The following CDKL5 variants were observed in gnomAD, a reference collection of about 807,000 sequenced individuals.
The protein encoded by CDKL5 is cyclin dependent kinase like 5.
Under a neutral mutation model 61.7 loss-of-function variants are expected in CDKL5, and 8 were observed. The ratio of observed to expected loss-of-function variants is 0.13; its 90% CI spans 0.08 to 0.23. The LOEUF (loss-of-function observed/expected upper bound fraction) is 0.23. CDKL5 is among the 10% of genes least tolerant of loss of function. The probability of loss-of-function intolerance (pLI) is 1.00; values close to 1 mark genes in which losing one functional copy is unlikely to be tolerated. For missense variants in CDKL5, 440 were observed against 734.5 expected (o/e 0.60, Z 4.63); for synonymous variants, 275 against 272.3 (o/e 1.01, Z -0.10).
intron 14 of CDKL5, 73 bp downstream of exon 14, chrX:18,609,643 C>G: frequency 8.4e-7 from 1 of 1,184,836 alleles, no homozygotes; most frequent in East Asian, 3.0e-5. Context: ...CTGCTTTCAC[C>G]GACTCAGGCC....
At chrX:18,615,831 C>T (rs148863490) in intron 15 of CDKL5, among the ~76,000 whole-genome samples, 26 of 112,087 alleles carry the variant, frequency 2.3e-4, no homozygotes, top group African/African-American at 7.8e-4. Flanking sequence ...CCCTTTCTTG[C>T]AATGGAAAAG....
At position 18,568,648 on chromosome X, in the gene CDKL5, C is replaced by CTCT. The variant is rs745575668; in HGVS notation, c.145+4143_145+4145dup. 6.8e-4 allele frequency among the ~76,000 whole-genome samples: 75 copies of CTCT among 110,890 alleles called. 1 individual carries two copies. The highest frequency in any genetic ancestry group is 2.1e-3 in the African/African-American group (65 of 30,478). On this transcript the variant is annotated intron_variant, in intron 4 of 17. Transcript: ENST00000623535. ...ATATACAAAAAGCTTTGTCAGTTTT[C>CTCT]TCTTCTTCTTCTTCTTCTTTTTTTA...
Position 18,453,511 on chromosome X carries a change from G to A in CDKL5, c.-163+27816G>A, listed in dbSNP as rs752736250. 2.7e-5 allele frequency among the ~76,000 whole-genome samples: 3 copies of A among 111,702 alleles called. No individual in the cohort carries two copies. In the East Asian group the frequency reaches 8.5e-4, roughly 31 times the overall value. On this transcript the variant is annotated intron_variant, in intron 1 of 17. Transcript: ENST00000623535. ...GGATTGTAAGGTACTTTAAAGAAAA[G>A]ACCATGATGTGTATGTACTTCCTGG...
At chrX:18,641,916 C>T, downstream of CDKL5, 3 of 1,032,733 alleles carry the variant, frequency 2.9e-6, no homozygotes, top group Non-Finnish European at 4.1e-6. Context: ...GAAATATAGC[C>T]CTGTCCATCT....
At chrX:18,651,396 A>G (rs775092413) in intron 21 of CDKL5, among the ~76,000 whole-genome samples, 12 of 110,830 alleles carry the variant, frequency 1.1e-4, no homozygotes, top group Non-Finnish European at 2.3e-4. Context: ...GAATTAGCGC[A>G]TTGCCCAAGA....
intron 1 of CDKL5, among the ~76,000 whole-genome samples, chrX:18,441,414 CAAAAA>C (rs757888759): frequency 9.6e-6 from 1 of 104,392 alleles, no homozygotes; most frequent in African/African-American, 3.5e-5. Context: ...GACCCTGTCT[CAAAAA>C]AAAAAATCAT....
At chrX:18,621,869 G>A (rs986814559) in intron 16 of CDKL5, among the ~76,000 whole-genome samples, 40 of 111,964 alleles carry the variant, frequency 3.6e-4, no homozygotes, top group African/African-American at 1.3e-3. Flanking sequence ...TGTTTAAAGT[G>A]TTAATAAAAC....
In CDKL5 at chrX:18,637,704, C is replaced by T. The variant is rs1927434199; in HGVS notation, c.*8947C>T. ...TTCCTTATCTTTAAATGGAGGTAAT[C>T]ACAGTACCTACCTCAGTGTTGTTGT... On this transcript the variant is annotated 3_prime_UTR_variant, in exon 18 of 18. Coordinates refer to ENST00000623535, the MANE Select transcript of CDKL5 (RefSeq NM_001323289.2). 2 of 111,759 alleles carry T rather than the reference C, an allele frequency of 1.8e-5. No individual in the cohort carries two copies. The highest frequency in any genetic ancestry group is 5.6e-4 in the East Asian group (2 of 3,577). The allele number at this position is 111,759 out of a possible 1,213,427, so 9.2% of individuals were successfully genotyped here.
chrX:18,561,018 T>C (rs1924787928), intron 3 of CDKL5, among the ~76,000 whole-genome samples: 1 of 110,901 alleles, frequency 9.0e-6, no homozygotes, highest in African/African-American at 3.3e-5. Context: ...TGTTAGAAAA[T>C]GGCAGCCCTT....
intron 15 of CDKL5, among the ~76,000 whole-genome samples, chrX:18,615,400 A>G (rs1160757682): frequency 3.6e-5 from 4 of 111,871 alleles, no homozygotes; most frequent in Non-Finnish European, 1.9e-5. Flanking sequence ...TGTTATGGTA[A>G]TATAGTGAAT....
intron 2 of CDKL5, among the ~76,000 whole-genome samples, chrX:18,509,243 A>ACCC (rs775606173): frequency 1.0e-5 from 1 of 97,947 alleles, no homozygotes; most frequent in East Asian, 3.5e-4. Context: ...ACACACACAC[A>ACCC]CACCCCTGTC....
chrX:18,577,524 A>G (rs998472814), intron 5 of CDKL5, among the ~76,000 whole-genome samples: 1 of 112,324 alleles, frequency 8.9e-6, no homozygotes, highest in Non-Finnish European at 1.9e-5. Context: ...TCACCCTCAC[A>G]TATAAATACA....
chrX:18,492,727 C>A (rs1403176881), intron 1 of CDKL5, among the ~76,000 whole-genome samples: 1 of 112,033 alleles, frequency 8.9e-6, no homozygotes, highest in Non-Finnish European at 1.9e-5. Context: ...TCCATCCTCC[C>A]CTTATCTTTC....
At chrX:18,451,217 G>GTT (rs1932006506) in intron 1 of CDKL5, among the ~76,000 whole-genome samples, 1 of 111,648 alleles carries the variant, frequency 9.0e-6, no homozygotes, top group African/African-American at 3.3e-5. Context: ...TTGAGCCGGA[G>GTT]TTTTGCTCTT....
Position 18,579,951 on chromosome X carries a change from A to G in CDKL5, c.386A>G (p.Asn129Ser). The change falls in exon 6 of 18, where the codon AAT becomes AGT. Residue 129 changes from asparagine to serine, a missense_variant. Coordinates refer to ENST00000623535, the MANE Select transcript of CDKL5 (RefSeq NM_001323289.2). ...LIKAIHWCHKNDIVHRDIKPE... is the reference protein window; with the variant it reads ...LIKAIHWCHKSDIVHRDIKPE... The stretch of plus-strand genomic sequence containing the variant: ...AAGGCTATTCACTGGTGCCATAAGA[A>G]TGATATTGTCCATCGAGGTGAGTAT... The G allele has an allele frequency of 8.3e-7, 1 of 1,201,239 alleles. No individual in the cohort carries two copies. The highest frequency in any genetic ancestry group is 1.1e-6 in the Non-Finnish European group (1 of 886,030).
intron 1 of CDKL5, among the ~76,000 whole-genome samples, chrX:18,450,805 C>G (rs1391670911): frequency 9.0e-6 from 1 of 110,802 alleles, no homozygotes; most frequent in Non-Finnish European, 1.9e-5. Flanking sequence ...AAACTCCTGA[C>G]CTCAGGTGAT....
chrX:18,528,228 C>T (rs866812801), intron 3 of CDKL5, among the ~76,000 whole-genome samples: 31 of 105,976 alleles, frequency 2.9e-4, no homozygotes, highest in Middle Eastern at 1.0e-2. Context: ...TTCATAGATA[C>T]CCATACTCAT....
At chrX:18,515,481 G>A (rs1043404890) in intron 3 of CDKL5, among the ~76,000 whole-genome samples, 16 of 111,779 alleles carry the variant, frequency 1.4e-4, no homozygotes, top group Admixed American at 6.7e-4. Flanking sequence ...ATAATCTTAC[G>A]TTAGAGAACT....
chrX:18,557,144 G>C (rs1034317711), intron 3 of CDKL5, among the ~76,000 whole-genome samples: 4 of 111,401 alleles, frequency 3.6e-5, no homozygotes, highest in Non-Finnish European at 7.5e-5. Context: ...ATGAATTGTA[G>C]ACTATAGATG....
Sources: gnomAD v4.1 joint callset for allele counts (sites outside exome capture counted in the v4.1 genomes callset) on GRCh38, gnomAD v4.1.1 for gene constraint, MANE v1.5 for transcripts, NCBI Gene and HGNC (gene_info 2026-07-23, HGNC 2026-07-21) for gene names.